Variants in IL1RAPL1 observed in about 807,000 individuals in gnomAD.
IL1RAPL1 encodes interleukin 1 receptor accessory protein like 1.
In IL1RAPL1, 3 loss-of-function variants were observed where a neutral mutation model predicts 48.4. That is an observed-to-expected ratio of 0.06 (90% CI 0.03 to 0.16). The LOEUF (loss-of-function observed/expected upper bound fraction) is 0.16. Ranked by LOEUF, IL1RAPL1 falls within the 10% of genes least tolerant of loss-of-function variation. The probability of loss-of-function intolerance (pLI) is 1.00; values close to 1 mark genes in which losing one functional copy is unlikely to be tolerated. For synonymous variants in IL1RAPL1, 185 were observed against 187.7 expected (o/e 0.99, Z 0.12); for missense variants, 349 against 530.6 (o/e 0.66, Z 3.36).
In IL1RAPL1 at chrX:29,649,603, G is replaced by A. The variant is rs961158602; in HGVS notation, c.704-18827G>A. Among the ~76,000 whole-genome samples the A allele has an allele frequency of 1.8e-4, 20 of 111,126 alleles. No homozygotes were observed. In the Admixed American group the frequency reaches 1.9e-3, roughly 11 times the overall value. On this transcript the variant is annotated intron_variant, in intron 5 of 10. Coordinates refer to ENST00000378993, the MANE Select transcript of IL1RAPL1 (RefSeq NM_014271.4). ...TATAGAAATTAGGTATAGAAACAGT[G>A]CACCTCATGACCATAAAGACCATAT...
At chrX:28,857,292 T>C (rs970990751) in intron 2 of IL1RAPL1, among the ~76,000 whole-genome samples, 2 of 112,343 alleles carry the variant, frequency 1.8e-5, no homozygotes, top group Non-Finnish European at 3.8e-5. Flanking sequence ...TTGTAGAAGC[T>C]GCAGCAAGTT....
chrX:29,500,676 G>A (rs1406045501), intron 5 of IL1RAPL1, among the ~76,000 whole-genome samples: 3 of 111,980 alleles, frequency 2.7e-5, no homozygotes, highest in African/African-American at 9.7e-5. Flanking sequence ...ATTATATTAT[G>A]TATATGTATA....
intron 2 of IL1RAPL1, among the ~76,000 whole-genome samples, chrX:29,222,252 A>G (rs1840906733): frequency 8.9e-6 from 1 of 111,858 alleles, no homozygotes. Flanking sequence ...CACAAAAATT[A>G]ACACTTATTG....
chrX:28,942,749 C>T (rs1226497154), intron 2 of IL1RAPL1, among the ~76,000 whole-genome samples: 1 of 108,482 alleles, frequency 9.2e-6, no homozygotes, highest in Admixed American at 9.9e-5. Context: ...CTGTGCAATC[C>T]CAGGGGAAAG....
At position 29,001,013 on chromosome X, in the gene IL1RAPL1, G is replaced by C. The variant is rs897714022; in HGVS notation, c.82+211588G>C. On this transcript the variant is annotated intron_variant, in intron 2 of 10. Transcript: ENST00000378993. Reference sequence around the variant, plus strand: ...CTTGTCATAGTTTCTGCCTGGCACAGTGCCTCCTAAATTCATCTATTACTC... The same window carrying C: ...CTTGTCATAGTTTCTGCCTGGCACACTGCCTCCTAAATTCATCTATTACTC... 4.6e-5 allele frequency among the ~76,000 whole-genome samples: 5 copies of C among 108,537 alleles called. No homozygotes were observed. The Admixed American group carries it at 5.0e-4, about 11-fold the overall frequency. 94.3% of individuals were successfully genotyped at this position (108,537 alleles called of 115,157 possible). A position where few individuals can be genotyped will look rare whatever the true frequency, so the allele number is the denominator to read the frequency against.
chrX:29,138,305 A>C (rs1051127535), intron 2 of IL1RAPL1, among the ~76,000 whole-genome samples: 1 of 112,200 alleles, frequency 8.9e-6, no homozygotes, highest in Non-Finnish European at 1.9e-5. Flanking sequence ...ATTTCACTAC[A>C]AAAAAATGTC....
At chrX:29,828,491 CAG>C (rs1225755672) in intron 6 of IL1RAPL1, among the ~76,000 whole-genome samples, 1 of 111,479 alleles carries the variant, frequency 9.0e-6, no homozygotes, top group East Asian at 2.8e-4. Context: ...ATGGAACAGA[CAG>C]AACTTGTTGA....
intron 2 of IL1RAPL1, among the ~76,000 whole-genome samples, chrX:29,015,884 A>C (rs1005053741): frequency 1.4e-4 from 15 of 110,953 alleles, no homozygotes; most frequent in Non-Finnish European, 2.5e-4. Context: ...ATGCTTAATT[A>C]AAAGTTAATA....
chrX:29,046,761 G>A (rs904996460), intron 2 of IL1RAPL1, among the ~76,000 whole-genome samples: 1 of 111,912 alleles, frequency 8.9e-6, no homozygotes, highest in Non-Finnish European at 1.9e-5. Context: ...GGCAATTACA[G>A]CATCATTGAT....
intron 2 of IL1RAPL1, among the ~76,000 whole-genome samples, chrX:29,137,085 A>C (rs1385756269): frequency 9.0e-6 from 1 of 110,920 alleles, no homozygotes; most frequent in African/African-American, 3.3e-5. Context: ...ACACAGTCAT[A>C]AAATCCATTA....
intron 6 of IL1RAPL1, among the ~76,000 whole-genome samples, chrX:29,879,357 ATGTGTG>A (rs370851302): frequency 0.011 from 962 of 83,958 alleles, 9 homozygotes; most frequent in African/African-American, 0.032. Flanking sequence ...AGTTTTATAT[ATGTGTG>A]TGTGTGTGTG....
At chrX:29,154,500 A>G (rs1332189069) in intron 2 of IL1RAPL1, among the ~76,000 whole-genome samples, 1 of 109,921 alleles carries the variant, frequency 9.1e-6, no homozygotes, top group Non-Finnish European at 1.9e-5. Context: ...AGATCATGCC[A>G]TTGCACTCCA....
intron 2 of IL1RAPL1, among the ~76,000 whole-genome samples, chrX:29,263,339 C>G (rs1191959975): frequency 8.9e-6 from 1 of 112,135 alleles, no homozygotes; most frequent in African/African-American, 3.2e-5. Context: ...TGAACATAAA[C>G]TGGGAAAACA....
chrX:29,108,518 T>C lies in IL1RAPL1; in HGVS notation c.83-174420T>C, dbSNP rs750022562. 3.1e-3 allele frequency among the ~76,000 whole-genome samples: 347 copies of C among 110,620 alleles called. 3 individuals carry two copies. The highest frequency in any genetic ancestry group is 0.01 in the African/African-American group (319 of 30,448). Reference sequence around the variant, plus strand: ...CCAGGTTCAAGCGATTCTCCTGCCTTAGCCTCCTGAGTAGCTGGGATTACA... The same window carrying C: ...CCAGGTTCAAGCGATTCTCCTGCCTCAGCCTCCTGAGTAGCTGGGATTACA... On this transcript the variant is annotated intron_variant, in intron 2 of 10. Transcript: ENST00000378993.
intron 1 of IL1RAPL1, among the ~76,000 whole-genome samples, chrX:28,630,943 T>C (rs1934393350): frequency 8.9e-6 from 1 of 111,896 alleles, no homozygotes; most frequent in Non-Finnish European, 1.9e-5. Context: ...ATGGGCAAGA[T>C]AGGTAGTGTC....
At chrX:29,234,979 C>A (rs993752939) in intron 2 of IL1RAPL1, among the ~76,000 whole-genome samples, 2 of 111,987 alleles carry the variant, frequency 1.8e-5, no homozygotes, top group African/African-American at 3.2e-5. Flanking sequence ...AAGCTGGCAC[C>A]CTTGTGTTTC....
At chrX:29,578,311 T>A (rs902249864) in intron 5 of IL1RAPL1, among the ~76,000 whole-genome samples, 2 of 111,962 alleles carry the variant, frequency 1.8e-5, no homozygotes, top group African/African-American at 6.5e-5. Flanking sequence ...TATGTGAGTT[T>A]GAATGAGTGT....
chrX:29,890,838 G>C (rs1189964058), intron 6 of IL1RAPL1, among the ~76,000 whole-genome samples: 2 of 111,936 alleles, frequency 1.8e-5, no homozygotes, highest in Non-Finnish European at 3.8e-5. Flanking sequence ...AGATAGGTCA[G>C]GTTCCAGCTG....
intron 5 of IL1RAPL1, among the ~76,000 whole-genome samples, chrX:29,598,427 A>G (rs1000108040): frequency 9.0e-6 from 1 of 111,551 alleles, no homozygotes; most frequent in African/African-American, 3.3e-5. Flanking sequence ...ATTTACTGAG[A>G]CTTGTTTTGT....
Sources: gnomAD v4.1 joint callset for allele counts (sites outside exome capture counted in the v4.1 genomes callset) on GRCh38, gnomAD v4.1.1 for gene constraint, MANE v1.5 for transcripts, NCBI Gene and HGNC (gene_info 2026-07-23, HGNC 2026-07-21) for gene names.